Variants in PARK7 observed in about 807,000 individuals in gnomAD.
PARK7 encodes Parkinsonism associated deglycase, also known as Parkinson disease protein 7.
In PARK7, 14 loss-of-function variants were observed where a neutral mutation model predicts 20.5. The ratio of observed to expected loss-of-function variants is 0.68; its 90% CI spans 0.45 to 1.07. The LOEUF (loss-of-function observed/expected upper bound fraction) is 1.07. Ranked by LOEUF, PARK7 falls within the 50% of genes least tolerant of loss-of-function variation. PARK7 has a pLI of 0.00. For synonymous variants in PARK7, 98 were observed against 84.3 expected, an observed-to-expected ratio of 1.16 and a Z score of -0.89; for missense variants, 234 against 238.1, an observed-to-expected ratio of 0.98 and a Z score of 0.11.
chr1:7,977,665 GTT>G lies in PARK7; in HGVS notation c.337_338del (p.Leu113GlyfsTer3). 6.2e-7 allele frequency: 1 copy of G among 1,613,934 alleles called. No homozygotes were observed. Among genetic ancestry groups the G allele is most frequent in the Non-Finnish European group, 8.5e-7 (1 of 1,179,880 alleles). On this transcript the variant is annotated frameshift_variant, in exon 6 of 7. Coordinates refer to ENST00000338639, the MANE Select transcript of PARK7 (RefSeq NM_007262.5). LOFTEE classifies it high-confidence loss of function. ...TTTTATTCTTAGGTCCTACTGCTCT[GTT>G]GGCTCATGAAATAGGTTTTGGAAGT... Reference protein sequence around the residue: ...AAICAGPTALLAHEIGFGSKV... With the variant: ...AAICAGPTALXAHEIGFGSKV...
intron 5 of PARK7, 57 bp downstream of exon 5, chr1:7,971,020 A>G (rs2151432496): frequency 6.4e-7 from 1 of 1,569,830 alleles, no homozygotes; most frequent in African/African-American, 1.3e-5. Flanking sequence ...GTAGCCTTTC[A>G]TTCGATGGTT....
At chr1:7,963,628 G>A (rs1486995662) in intron 2 of PARK7, among the ~76,000 whole-genome samples, 1 of 151,892 alleles carries the variant, frequency 6.6e-6, no homozygotes, top group African/African-American at 2.4e-5. Context: ...GCCCGCCTTA[G>A]CCTTTTACAG....
rs71653618 is a variant in PARK7 at position 7,965,506 on chromosome 1, A to G, written c.192+81A>G. On this transcript the variant is annotated intron_variant, in intron 3 of 6. Coordinates refer to ENST00000338639, the MANE Select transcript of PARK7 (RefSeq NM_007262.5). ...TGTCTTAAGAGTGTTGTTAGCACAG[A>G]CTCATTTTAGAAAATTATTTTGCTT... The G allele has an allele frequency of 1.4e-3, 1,764 of 1,288,936 alleles. 4 individuals are homozygous for G. Among genetic ancestry groups the G allele is most frequent in the Non-Finnish European group, 1.7e-3 (1,517 of 888,108 alleles). The allele number at this position is 1,288,936 out of a possible 1,614,324, so 79.8% of individuals were successfully genotyped here.
intron 3 of PARK7, among the ~76,000 whole-genome samples, chr1:7,967,649 TG>T (rs950275012): frequency 2.0e-5 from 3 of 152,218 alleles, no homozygotes; most frequent in Admixed American, 2.0e-4. Flanking sequence ...CCAGCCATAG[TG>T]GTTCACACCT....
Position 7,985,100 on chromosome 1 carries a change from T to C in PARK7, c.*46T>C. The C allele has an allele frequency of 1.9e-6, 3 of 1,599,726 alleles. No individual in the cohort carries two copies. Among genetic ancestry groups the C allele is most frequent in the South Asian group, 2.2e-5 (2 of 89,612 alleles). ...ACTTAGAGAAACAGGCCGTTAGGAA[T>C]CCATTCTCACTGTGTTCGCTCTAAA... On this transcript the variant is annotated 3_prime_UTR_variant, in exon 7 of 7. Coordinates refer to ENST00000338639, the MANE Select transcript of PARK7 (RefSeq NM_007262.5).
chr1:7,972,826 G>A (rs527797355), intron 5 of PARK7, among the ~76,000 whole-genome samples: 258 of 152,206 alleles, frequency 1.7e-3, no homozygotes, highest in African/African-American at 5.7e-3. Flanking sequence ...ATCACTTGAG[G>A]TCAGGAGTTC....
At chr1:7,967,178 C>T (rs973722880) in intron 3 of PARK7, among the ~76,000 whole-genome samples, 1 of 152,184 alleles carries the variant, frequency 6.6e-6, no homozygotes, top group African/African-American at 2.4e-5. Context: ...GTTTAATTTG[C>T]TATTCCTGGC....
intron 5 of PARK7, among the ~76,000 whole-genome samples, chr1:7,973,136 G>C (rs1640499879): frequency 6.6e-6 from 1 of 152,210 alleles, no homozygotes; most frequent in South Asian, 2.1e-4. Flanking sequence ...AAATGTTTGA[G>C]AACCGTGGCA....
chr1:7,978,279 A>G (rs533205338), intron 6 of PARK7, among the ~76,000 whole-genome samples: 28 of 151,250 alleles, frequency 1.9e-4, no homozygotes, highest in African/African-American at 6.3e-4. Context: ...TACAGGCATG[A>G]GCCACCGCGC....
chr1:7,970,018 G>A (rs1011162982), intron 4 of PARK7, among the ~76,000 whole-genome samples: 6 of 152,006 alleles, frequency 3.9e-5, no homozygotes, highest in Non-Finnish European at 8.8e-5. Flanking sequence ...ACATCGAGAC[G>A]CCATCTCTAC....
chr1:7,970,773 G>T, intron 4 of PARK7, 121 bp from the exon 5 acceptor site: 1 of 893,378 alleles, frequency 1.1e-6, no homozygotes, highest in Non-Finnish European at 1.8e-6. Context: ...AAATATTGTT[G>T]GAAAATAGGT....
At chr1:7,975,146 A>C (rs940214229) in intron 5 of PARK7, among the ~76,000 whole-genome samples, 2 of 152,086 alleles carry the variant, frequency 1.3e-5, no homozygotes, top group African/African-American at 4.8e-5. Context: ...GAGCCACCGC[A>C]CCCAGCCAAG....
intron 4 of PARK7, among the ~76,000 whole-genome samples, chr1:7,969,655 A>G (rs971312277): frequency 9.2e-5 from 14 of 151,624 alleles, no homozygotes; most frequent in Non-Finnish European, 2.1e-4. Flanking sequence ...ATCTCGGCTC[A>G]CTGCAATCTC....
chr1:7,977,785 A>G, intron 6 of PARK7, 47 bp downstream of exon 6: 1 of 1,539,828 alleles, frequency 6.5e-7, no homozygotes, highest in Non-Finnish European at 9.0e-7. Flanking sequence ...TTTGAGATGG[A>G]GTCTCGCTCC....
At chr1:7,979,638 C>T (rs1363226379) in intron 6 of PARK7, among the ~76,000 whole-genome samples, 1 of 152,078 alleles carries the variant, frequency 6.6e-6, no homozygotes, top group Non-Finnish European at 1.5e-5. Flanking sequence ...GTAGCTGGAA[C>T]TATGGGTATG....
chr1:7,977,650 A>G lies in PARK7; in HGVS notation c.323-2A>G. On this transcript the variant is annotated splice_acceptor_variant, in intron 5 of 6. Coordinates refer to ENST00000338639, the MANE Select transcript of PARK7 (RefSeq NM_007262.5). LOFTEE classifies it high-confidence loss of function. Reference sequence around the variant, plus strand: ...CTTAGATCTTTTTATTTTTATTCTTAGGTCCTACTGCTCTGTTGGCTCATG... The same window carrying G: ...CTTAGATCTTTTTATTTTTATTCTTGGGTCCTACTGCTCTGTTGGCTCATG... The G allele has an allele frequency of 1.2e-6, 2 of 1,612,710 alleles. No individual in the cohort carries two copies. Among genetic ancestry groups the G allele is most frequent in the Non-Finnish European group, 1.7e-6 (2 of 1,178,836 alleles).
intron 3 of PARK7, among the ~76,000 whole-genome samples, chr1:7,968,542 G>A (rs542611108): frequency 6.6e-6 from 1 of 152,044 alleles, no homozygotes; most frequent in East Asian, 1.9e-4. Flanking sequence ...TTTAGACAGA[G>A]TCTTGCTCTG....
In PARK7 at chr1:7,985,135, G is replaced by T; in HGVS notation, c.*81G>T. On this transcript the variant is annotated 3_prime_UTR_variant, in exon 7 of 7. Coordinates refer to ENST00000338639, the MANE Select transcript of PARK7 (RefSeq NM_007262.5). ...CTGTGTTCGCTCTAAACAAAACAGT[G>T]GTAGGTTAATGTGTTCAGAAGTCGC... is the stretch of plus-strand genomic sequence containing the variant. 1.3e-6 allele frequency: 2 copies of T among 1,548,960 alleles called. No individual in the cohort carries two copies. The highest frequency in any genetic ancestry group is 1.7e-6 in the Non-Finnish European group (2 of 1,145,918).
intron 2 of PARK7, among the ~76,000 whole-genome samples, chr1:7,963,143 G>A (rs777138919): frequency 1.3e-5 from 2 of 151,812 alleles, no homozygotes; most frequent in African/African-American, 2.4e-5. Flanking sequence ...GGCTCATTTC[G>A]GTCTCTGCCT....
Sources: allele counts gnomAD v4.1 joint callset (sites outside exome capture counted in the v4.1 genomes callset), GRCh38; gene constraint gnomAD v4.1.1; transcripts MANE v1.5; gene names NCBI Gene and HGNC (gene_info 2026-07-23, HGNC 2026-07-21).